SORCS1: variants seen among roughly 807,000 people sequenced by gnomAD.
SORCS1 encodes sortilin related VPS10 domain containing receptor 1.
A neutral mutation model predicts 146.1 loss-of-function variants in SORCS1; 60 were observed. The ratio of observed to expected loss-of-function variants is 0.41; its 90% confidence interval spans 0.33 to 0.51. The LOEUF (loss-of-function observed/expected upper bound fraction) is 0.51, where lower values mean the gene tolerates loss of function less well. Ranked by LOEUF, SORCS1 falls within the 20% of genes least tolerant of loss-of-function variation. SORCS1 has a pLI of 0.21. For synonymous variants in SORCS1, 637 were observed against 584.0 expected (o/e 1.09, Z -1.31); for missense variants, 1,352 against 1,487.6 (o/e 0.91, Z 1.50).
At position 106,757,603 on chromosome 10, in the gene SORCS1, C is replaced by T. The variant is rs547521429; in HGVS notation, c.959+3985G>A. Among the ~76,000 whole-genome samples the T allele has an allele frequency of 5.3e-5, 8 of 152,262 alleles. No individual in the cohort carries two copies. The South Asian group carries it at 6.2e-4, about 12-fold the overall frequency. ...AACAGTCATGGTACTATGCAATTTACGAGTTCCCATGCCTTCTCTAGAAAA... is the reference window on the plus strand; with the variant it reads ...AACAGTCATGGTACTATGCAATTTATGAGTTCCCATGCCTTCTCTAGAAAA... On this transcript the variant is annotated intron_variant, in intron 5 of 25. Transcript: ENST00000263054.
At chr10:107,110,536 A>C (rs1965622825) in intron 1 of SORCS1, among the ~76,000 whole-genome samples, 1 of 151,906 alleles carries the variant, frequency 6.6e-6, no homozygotes, top group Non-Finnish European at 1.5e-5. Context: ...AAATGACTAG[A>C]TCTCATGAGA....
chr10:107,113,498 T>C (rs527515729), intron 1 of SORCS1, among the ~76,000 whole-genome samples: 1 of 152,026 alleles, frequency 6.6e-6, no homozygotes, highest in East Asian at 1.9e-4. Flanking sequence ...ACCATCATCC[T>C]GGCCAACATG....
At chr10:106,661,430 G>C (rs1850719366) in intron 17 of SORCS1, among the ~76,000 whole-genome samples, 1 of 152,178 alleles carries the variant, frequency 6.6e-6, no homozygotes, top group Non-Finnish European at 1.5e-5. Flanking sequence ...AGAAAACAGA[G>C]ACTTACATTA....
At chr10:106,816,505 C>A (rs146386986) in intron 3 of SORCS1, among the ~76,000 whole-genome samples, 1 of 152,144 alleles carries the variant, frequency 6.6e-6, no homozygotes, top group African/African-American at 2.4e-5. Flanking sequence ...TAGGGCAGAA[C>A]GGCCCTGCAA....
At chr10:106,833,729 G>A (rs979528170) in intron 2 of SORCS1, among the ~76,000 whole-genome samples, 1 of 152,126 alleles carries the variant, frequency 6.6e-6, no homozygotes, top group Non-Finnish European at 1.5e-5. Context: ...CCCCAGTGGG[G>A]GACACAGTGA....
intron 3 of SORCS1, among the ~76,000 whole-genome samples, chr10:106,788,485 G>A (rs1159827873): frequency 6.6e-6 from 1 of 152,160 alleles, no homozygotes. Flanking sequence ...ATACAATGGA[G>A]GTACAGGTAT....
At chr10:106,843,087 A>T (rs953362345) in intron 2 of SORCS1, among the ~76,000 whole-genome samples, 2 of 152,238 alleles carry the variant, frequency 1.3e-5, no homozygotes, top group African/African-American at 4.8e-5. Flanking sequence ...TACCTCAAAC[A>T]TTAACTGTCT....
chr10:107,096,586 A>C (rs1376937861), intron 1 of SORCS1, among the ~76,000 whole-genome samples: 2 of 152,134 alleles, frequency 1.3e-5, no homozygotes, highest in Non-Finnish European at 2.9e-5. Context: ...ATCTTGGCTC[A>C]CTGCAAGCTC....
In SORCS1 at chr10:106,829,597, C is replaced by T; in HGVS notation, c.703G>A (p.Val235Met). The change falls in exon 3 of 26, where the codon GTG (valine) becomes ATG (methionine). Residue 235 changes from valine (V) to methionine (M), a missense_variant. Transcript: ENST00000263054. ...ACCTTACGCTTGTTGGTAGGACACACATAGAGATAGCTCAAAATGGTTTTC... is the reference window on the plus strand; with the variant it reads ...ACCTTACGCTTGTTGGTAGGACACATATAGAGATAGCTCAAAATGGTTTTC... ...GLKTILSYLY[V>M]CPTNKRKIML... 1 of 1,603,658 alleles carries T rather than the reference C, an allele frequency of 6.2e-7. No individual in the cohort carries two copies. Among genetic ancestry groups the T allele is most frequent in the Non-Finnish European group, 8.5e-7 (1 of 1,171,834 alleles).
At chr10:107,091,981 G>C (rs1053237523) in intron 1 of SORCS1, among the ~76,000 whole-genome samples, 4 of 152,142 alleles carry the variant, frequency 2.6e-5, no homozygotes, top group Admixed American at 2.0e-4. Flanking sequence ...GTATCTAGCA[G>C]AGTACCTACA....
chr10:107,147,819 T>A (rs1483296916), intron 1 of SORCS1, among the ~76,000 whole-genome samples: 2 of 152,162 alleles, frequency 1.3e-5, no homozygotes, highest in Non-Finnish European at 2.9e-5. Context: ...AAACTCACTA[T>A]TAATTGGAGC....
intron 1 of SORCS1, among the ~76,000 whole-genome samples, chr10:107,138,825 A>C (rs892107438): frequency 6.6e-6 from 1 of 152,188 alleles, no homozygotes; most frequent in African/African-American, 2.4e-5. Context: ...TACGCGGTCC[A>C]TACTTTCCGC....
chr10:106,740,233 T>C lies in SORCS1; in HGVS notation c.960-10119A>G, dbSNP rs112187697. Among the ~76,000 whole-genome samples, 1,397 of 152,270 alleles carry C rather than the reference T, an allele frequency of 9.2e-3. 23 individuals carry two copies. The highest frequency in any genetic ancestry group is 0.032 in the African/African-American group (1,328 of 41,546). On this transcript the variant is annotated intron_variant, in intron 5 of 25. Transcript: ENST00000263054. ...AAAGAATAATCAGAAAGTATCTTCT[T>C]CCCACACCTCAGTGAATCACCAATT...
At chr10:106,590,636 T>G (rs1343034971) in intron 24 of SORCS1, among the ~76,000 whole-genome samples, 1 of 152,112 alleles carries the variant, frequency 6.6e-6, no homozygotes, top group East Asian at 1.9e-4. Context: ...CTCCCTAAAA[T>G]GACATCATAG....
chr10:106,633,566 T>C (rs1848558157), intron 18 of SORCS1, among the ~76,000 whole-genome samples: 1 of 152,196 alleles, frequency 6.6e-6, no homozygotes, highest in Non-Finnish European at 1.5e-5. Flanking sequence ...CATGATGATA[T>C]TTTTAATTCA....
At chr10:106,623,914 C>T (rs941413484) in intron 19 of SORCS1, among the ~76,000 whole-genome samples, 9 of 151,926 alleles carry the variant, frequency 5.9e-5, no homozygotes, top group African/African-American at 2.2e-4. Flanking sequence ...GAACTCCTGA[C>T]CTCAAGTGAT....
chr10:106,705,254 G>A (rs1257916751), intron 8 of SORCS1, among the ~76,000 whole-genome samples: 1 of 152,186 alleles, frequency 6.6e-6, no homozygotes, highest in Non-Finnish European at 1.5e-5. Flanking sequence ...GTTCTTTCAA[G>A]TTAATAGTGC....
intron 8 of SORCS1, among the ~76,000 whole-genome samples, chr10:106,703,859 G>A (rs975372459): frequency 3.3e-5 from 5 of 152,102 alleles, no homozygotes; most frequent in African/African-American, 7.2e-5. Flanking sequence ...ACATCCACCC[G>A]GACTAAATAA....
chr10:107,141,585 TAGTCTGTGTGTATGC>T lies in SORCS1; in HGVS notation c.558+22369_558+22383del, dbSNP rs373165741. On this transcript the variant is annotated intron_variant, in intron 1 of 25. Transcript: ENST00000263054. ...AAAAAGAAGTTATTATTACTGTTCC[TAGTCTGTGTGTATGC>T]AGAAGTCCCACGCAGAGTGCAGTGG... Among the ~76,000 whole-genome samples the T allele has an allele frequency of 2.1e-3, 326 of 152,336 alleles. 2 individuals are homozygous for T. Among genetic ancestry groups the T allele is most frequent in the African/African-American group, 7.4e-3 (306 of 41,574 alleles).
Sources: gnomAD v4.1 joint callset for allele counts (sites outside exome capture counted in the v4.1 genomes callset) on GRCh38, gnomAD v4.1.1 for gene constraint, MANE v1.5 for transcripts, NCBI Gene and HGNC (gene_info 2026-07-23, HGNC 2026-07-21) for gene names.